The following GRID2 variants were observed in gnomAD, a reference collection of about 807,000 sequenced individuals.
The protein encoded by GRID2 is glutamate ionotropic receptor delta type subunit 2.
GRID2 carries 33 observed loss-of-function variants against 114.8 expected under a neutral mutation model. The observed-to-expected ratio is 0.29, with a 90% CI of 0.22 to 0.38. The LOEUF (loss-of-function observed/expected upper bound fraction) is 0.38, where lower values mean the gene tolerates loss of function less well. Ranked by LOEUF, GRID2 falls within the 10% of genes least tolerant of loss-of-function variation. The pLI is 1.00. For synonymous variants in GRID2, 505 were observed against 449.9 expected (o/e 1.12, Z -1.55); for missense variants, 1,184 against 1,257.7 (o/e 0.94, Z 0.89).
chr4:93,769,935 C>A (rs1733978866), intron 15 of GRID2, among the ~76,000 whole-genome samples: 1 of 152,094 alleles, frequency 6.6e-6, no homozygotes, highest in Admixed American at 6.6e-5. Flanking sequence ...TCATGTAGAC[C>A]TATAGAAGCT....
chr4:93,673,920 A>G (rs1443145439), intron 14 of GRID2, among the ~76,000 whole-genome samples: 1 of 152,100 alleles, frequency 6.6e-6, no homozygotes, highest in Non-Finnish European at 1.5e-5. Flanking sequence ...AGCACCAACT[A>G]GTGACCCCGC....
intron 13 of GRID2, among the ~76,000 whole-genome samples, chr4:93,531,627 TAA>T (rs1293552081): frequency 6.6e-6 from 1 of 152,184 alleles, no homozygotes; most frequent in East Asian, 1.9e-4. Context: ...AATATTATAT[TAA>T]GTTGATAATA....
chr4:93,389,523 A>G (rs1050749236), intron 8 of GRID2, among the ~76,000 whole-genome samples: 3 of 152,176 alleles, frequency 2.0e-5, no homozygotes, highest in Non-Finnish European at 2.9e-5. Flanking sequence ...GTTTTAAATC[A>G]TGGATTTGTT....
At chr4:92,323,183 C>T (rs999853728) in intron 1 of GRID2, among the ~76,000 whole-genome samples, 4 of 152,024 alleles carry the variant, frequency 2.6e-5, no homozygotes, top group African/African-American at 9.7e-5. Flanking sequence ...CATCAAGTAA[C>T]CAACAGTTTT....
intron 14 of GRID2, among the ~76,000 whole-genome samples, chr4:93,713,086 T>C (rs79882752): frequency 0.042 from 6,419 of 152,312 alleles, 220 homozygotes; most frequent in African/African-American, 0.084. Flanking sequence ...GTTCTTGAAA[T>C]GAGTTCAACT....
chr4:93,455,225 T>C (rs1319276127), intron 10 of GRID2, among the ~76,000 whole-genome samples: 2 of 152,124 alleles, frequency 1.3e-5, no homozygotes, highest in African/African-American at 4.8e-5. Flanking sequence ...AAATGCCATG[T>C]TGAAGTTTCT....
At chr4:92,462,686 G>A (rs1219874344) in intron 1 of GRID2, among the ~76,000 whole-genome samples, 1 of 151,706 alleles carries the variant, frequency 6.6e-6, no homozygotes, top group Non-Finnish European at 1.5e-5. Context: ...AGTTTTATGA[G>A]TTAAAATGTT....
chr4:92,679,298 T>G (rs1733531776), intron 2 of GRID2, among the ~76,000 whole-genome samples: 1 of 152,068 alleles, frequency 6.6e-6, no homozygotes, highest in South Asian at 2.1e-4. Flanking sequence ...CTTTCTAGCT[T>G]GTAAATACAC....
chr4:92,879,591 C>T (rs868137994), intron 2 of GRID2, among the ~76,000 whole-genome samples: 1 of 152,208 alleles, frequency 6.6e-6, no homozygotes. Flanking sequence ...GCAAGGGAAC[C>T]ATTGTCATTT....
At chr4:93,318,612 C>G (rs764904832) in intron 8 of GRID2, 1 of 151,964 alleles carries the variant, frequency 6.6e-6, no homozygotes, top group Non-Finnish European at 1.5e-5. Flanking sequence ...CAGGAATGAT[C>G]ACATAGTATC....
chr4:92,362,607 T>G (rs915618807), intron 1 of GRID2, among the ~76,000 whole-genome samples: 1 of 152,020 alleles, frequency 6.6e-6, no homozygotes, highest in African/African-American at 2.4e-5. Flanking sequence ...ATTACAAATA[T>G]TTTAAATCTT....
intron 1 of GRID2, among the ~76,000 whole-genome samples, chr4:93,796,754 T>C (rs1036104719): frequency 1.3e-5 from 2 of 152,184 alleles, no homozygotes; most frequent in South Asian, 4.1e-4. Flanking sequence ...TTCACCATGT[T>C]GGCCAGGCTG....
chr4:92,386,626 C>T (rs958049383), intron 1 of GRID2, among the ~76,000 whole-genome samples: 2 of 151,284 alleles, frequency 1.3e-5, no homozygotes, highest in African/African-American at 2.4e-5. Context: ...TAAATTAAGG[C>T]AATTTTAGAA....
At chr4:92,654,442 C>T (rs1732125475) in intron 2 of GRID2, among the ~76,000 whole-genome samples, 1 of 152,028 alleles carries the variant, frequency 6.6e-6, no homozygotes, top group Non-Finnish European at 1.5e-5. Context: ...TGCCCATACA[C>T]TGAAGATTTC....
chr4:93,140,580 A>G (rs1217847435), intron 4 of GRID2, among the ~76,000 whole-genome samples: 1 of 152,232 alleles, frequency 6.6e-6, no homozygotes, highest in Non-Finnish European at 1.5e-5. Context: ...GTACCCTCTG[A>G]CATAGAAATT....
chr4:93,605,133 A>G (rs1421320323), intron 13 of GRID2, among the ~76,000 whole-genome samples: 1 of 152,214 alleles, frequency 6.6e-6, no homozygotes, highest in African/African-American at 2.4e-5. Flanking sequence ...CAAAAATCAT[A>G]CTTTTCCATA....
chr4:93,601,372 T>C (rs995933021), intron 13 of GRID2, among the ~76,000 whole-genome samples: 18 of 152,196 alleles, frequency 1.2e-4, no homozygotes, highest in African/African-American at 4.1e-4. Flanking sequence ...ATGGGTGTCC[T>C]GGAACATGTC....
chr4:92,710,119 G>T (rs909544408), intron 2 of GRID2, among the ~76,000 whole-genome samples: 2 of 151,678 alleles, frequency 1.3e-5, no homozygotes, highest in Non-Finnish European at 2.9e-5. Context: ...ATTAAAATTT[G>T]CCTTTGATAG....
chr4:93,113,421 C>A (rs1732956317), intron 4 of GRID2, among the ~76,000 whole-genome samples: 1 of 152,096 alleles, frequency 6.6e-6, no homozygotes, highest in African/African-American at 2.4e-5. Context: ...AACCTTGGTT[C>A]CCAGACAGGT....
Sources: gnomAD v4.1 joint callset for allele counts (sites outside exome capture counted in the v4.1 genomes callset) on GRCh38, gnomAD v4.1.1 for gene constraint, MANE v1.5 for transcripts, NCBI Gene and HGNC (gene_info 2026-07-23, HGNC 2026-07-21) for gene names.